Variants in CEP112 observed in about 807,000 individuals in gnomAD.
The protein encoded by CEP112 is centrosomal protein 112.
Under a neutral mutation model 153.0 loss-of-function variants are expected in CEP112, and 127 were observed. The observed-to-expected ratio is 0.83, with a 90% CI of 0.72 to 0.96. The LOEUF is 0.96. Among genes scored for constraint, CEP112 ranks in the 40% least tolerant of loss-of-function variants. The pLI is 0.00. For synonymous variants in CEP112, 358 were observed against 374.4 expected (o/e 0.96, Z 0.51); for missense variants, 1,089 against 1,101.2 (o/e 0.99, Z 0.16).
intron 22 of CEP112, among the ~76,000 whole-genome samples, chr17:65,745,261 C>T (rs1164933319): frequency 1.1e-4 from 17 of 152,204 alleles, no homozygotes. Context: ...AATATTATTA[C>T]ATGCAAACTT....
intron 4 of CEP112, among the ~76,000 whole-genome samples, chr17:66,148,457 C>T (rs976609713): frequency 2.6e-5 from 4 of 152,170 alleles, no homozygotes; most frequent in South Asian, 2.1e-4. Context: ...TAGTATTAAC[C>T]GCCTAATAAT....
chr17:65,720,396 G>A (rs1052066071), intron 23 of CEP112, among the ~76,000 whole-genome samples: 1 of 152,178 alleles, frequency 6.6e-6, no homozygotes, highest in Non-Finnish European at 1.5e-5. Flanking sequence ...AAGGAAGCCA[G>A]GAACAGTTTC....
At chr17:65,736,602 GGAACAAGAATGGGAAAGA>G (rs2050817264) in intron 23 of CEP112, among the ~76,000 whole-genome samples, 1 of 152,128 alleles carries the variant, frequency 6.6e-6, no homozygotes. Context: ...AGAGGAGATG[GGAACAAGAATGGGAAAGA>G]GGGGTTCCGA....
intron 23 of CEP112, among the ~76,000 whole-genome samples, chr17:65,693,923 G>A (rs1184445366): frequency 1.3e-5 from 2 of 152,092 alleles, no homozygotes; most frequent in Non-Finnish European, 2.9e-5. Flanking sequence ...GGGTGTCAAC[G>A]AACTAGGAAT....
chr17:65,981,591 T>C (rs1338678552), intron 17 of CEP112, among the ~76,000 whole-genome samples: 1 of 152,172 alleles, frequency 6.6e-6, no homozygotes, highest in East Asian at 1.9e-4. Flanking sequence ...TTGTTTGTTT[T>C]TGAAATGGAG....
intron 23 of CEP112, among the ~76,000 whole-genome samples, chr17:65,716,667 T>A (rs917914655): frequency 1.3e-5 from 2 of 152,204 alleles, no homozygotes; most frequent in African/African-American, 4.8e-5. Flanking sequence ...AATGTTTCTG[T>A]TGGAAAATGT....
intron 16 of CEP112, among the ~76,000 whole-genome samples, chr17:66,010,312 A>C (rs549288478): frequency 2.0e-5 from 3 of 152,170 alleles, no homozygotes; most frequent in Non-Finnish European, 4.4e-5. Flanking sequence ...TTGATTTTGT[A>C]TCCTGAAAAA....
At chr17:65,990,479 C>A (rs747839606) in intron 17 of CEP112, among the ~76,000 whole-genome samples, 18 of 152,212 alleles carry the variant, frequency 1.2e-4, no homozygotes, top group African/African-American at 4.3e-4. Flanking sequence ...AGAAGGAGAG[C>A]ACAGAGATTG....
At chr17:65,646,741 A>C (rs1374620346) in intron 24 of CEP112, among the ~76,000 whole-genome samples, 2 of 152,216 alleles carry the variant, frequency 1.3e-5, no homozygotes, top group African/African-American at 4.8e-5. Flanking sequence ...GGGGAAGAGA[A>C]TGCCAGAGAC....
chr17:66,144,245 G>C (rs900579804), intron 4 of CEP112, among the ~76,000 whole-genome samples: 10 of 152,162 alleles, frequency 6.6e-5, no homozygotes, highest in Non-Finnish European at 1.3e-4. Flanking sequence ...GAGCCTGAGA[G>C]TTAAGAGTCA....
At chr17:66,068,616 A>G (rs911085208) in intron 9 of CEP112, among the ~76,000 whole-genome samples, 1 of 152,208 alleles carries the variant, frequency 6.6e-6, no homozygotes, top group African/African-American at 2.4e-5. Context: ...GATTTTATTT[A>G]TATTTTACTT....
rs1409853738 is a variant in CEP112, at chr17:65,937,736, G to A, written c.1873-10047C>T. On this transcript the variant is annotated intron_variant, in intron 18 of 26. Coordinates refer to ENST00000535342, the MANE Select transcript of CEP112 (RefSeq NM_001199165.4). ...GCCCGGCCAGCCGCCCAGTCTGGGA[G>A]GGGGGTGGGGGCGTCAGCCCCCCAG... Among the ~76,000 whole-genome samples, 2 of 13,382 alleles carry A rather than the reference G, an allele frequency of 1.5e-4. 1 individual carries two copies. Among genetic ancestry groups the A allele is most frequent in the Non-Finnish European group, 3.2e-4 (2 of 6,232 alleles). The allele number at this position is 13,382 out of a possible 152,430, so 8.8% of individuals were successfully genotyped here. A position where few individuals can be genotyped will look rare whatever the true frequency, so the allele number is the denominator to read the frequency against.
At chr17:65,931,395 T>C (rs1188166371) in intron 18 of CEP112, among the ~76,000 whole-genome samples, 1 of 152,164 alleles carries the variant, frequency 6.6e-6, no homozygotes, top group Non-Finnish European at 1.5e-5. Flanking sequence ...CAAACCACCA[T>C]AGTGCCACAC....
At chr17:65,785,400 C>T (rs1354018193) in intron 21 of CEP112, among the ~76,000 whole-genome samples, 1 of 152,158 alleles carries the variant, frequency 6.6e-6, no homozygotes, top group Non-Finnish European at 1.5e-5. Flanking sequence ...AAACTATTTT[C>T]CAAAATGACT....
At chr17:66,174,092 C>G (rs1375361131) in intron 4 of CEP112, among the ~76,000 whole-genome samples, 3 of 152,086 alleles carry the variant, frequency 2.0e-5, no homozygotes, top group Non-Finnish European at 4.4e-5. Flanking sequence ...CCACGCCTGG[C>G]TAATTTTTTG....
chr17:65,803,848 T>A (rs1313093180), intron 21 of CEP112, among the ~76,000 whole-genome samples: 1 of 152,200 alleles, frequency 6.6e-6, no homozygotes, highest in Non-Finnish European at 1.5e-5. Flanking sequence ...TTTTTATGAA[T>A]CATGAGCATT....
intron 21 of CEP112, among the ~76,000 whole-genome samples, chr17:65,843,433 G>A (rs538304244): frequency 6.6e-6 from 1 of 152,160 alleles, no homozygotes; most frequent in Non-Finnish European, 1.5e-5. Flanking sequence ...AAAACTTCAC[G>A]TTTTTTAGCA....
chr17:65,854,671 T>C (rs560314537), intron 20 of CEP112, among the ~76,000 whole-genome samples: 1 of 152,230 alleles, frequency 6.6e-6, no homozygotes, highest in Non-Finnish European at 1.5e-5. Flanking sequence ...TGTAAACCTG[T>C]AGTGGAAAAA....
At chr17:66,067,109 G>A (rs558624935) in intron 9 of CEP112, among the ~76,000 whole-genome samples, 92 of 151,940 alleles carry the variant, frequency 6.1e-4, no homozygotes, top group Non-Finnish European at 7.6e-4. Context: ...AGTTAGATGC[G>A]TGTGTTTTTG....
Sources: gnomAD v4.1 joint callset for allele counts (sites outside exome capture counted in the v4.1 genomes callset) on GRCh38, gnomAD v4.1.1 for gene constraint, MANE v1.5 for transcripts, NCBI Gene and HGNC (gene_info 2026-07-23, HGNC 2026-07-21) for gene names.